The following LRRC49 variants were observed in gnomAD, a reference collection of about 807,000 sequenced individuals.
LRRC49 encodes the protein leucine rich repeat containing 49.
Under a neutral mutation model 83.3 loss-of-function variants are expected in LRRC49, and 50 were observed. The ratio of observed to expected loss-of-function variants is 0.60; its 90% CI spans 0.48 to 0.76. LRRC49 has a LOEUF of 0.76. Among genes scored for constraint, LRRC49 ranks in the 30% least tolerant of loss-of-function variants. The pLI is 0.00. For missense variants in LRRC49, 704 were observed against 809.1 expected (o/e 0.87, Z 1.58); for synonymous variants, 286 against 283.3 (o/e 1.01, Z -0.10).
intron 11 of LRRC49, among the ~76,000 whole-genome samples, chr15:70,999,439 T>A (rs544805299): frequency 6.6e-6 from 1 of 152,320 alleles, no homozygotes; most frequent in Admixed American, 6.5e-5. Flanking sequence ...AGTGGTCAGT[T>A]AGTGATTTTC....
intron 1 of LRRC49, among the ~76,000 whole-genome samples, chr15:70,870,945 G>GTTTTTTTTTTTTTTTTTTTTT (rs71281973): frequency 2.3e-5 from 2 of 88,698 alleles, no homozygotes. Context: ...GCCATGCTTA[G>GTTTTTTTTTTTTTTTTTTTTT]TTTTTTTTTT....
At chr15:71,029,743 C>T (rs2039289013) in intron 14 of LRRC49, among the ~76,000 whole-genome samples, 2 of 152,180 alleles carry the variant, frequency 1.3e-5, no homozygotes, top group South Asian at 4.1e-4. Context: ...GTTAGCTCTT[C>T]TTGTTGCATT....
At chr15:70,892,195 G>A (rs1033750352), upstream of LRRC49, 16 of 1,607,680 alleles carry the variant, frequency 1.0e-5, no homozygotes, top group Non-Finnish European at 1.4e-5. Context: ...GCACGGCCCG[G>A]TCCTTGGGAA....
rs1451184879 is a variant in LRRC49, at chr15:71,050,049, A to G, written c.*437A>G. On this transcript the variant is annotated 3_prime_UTR_variant, in exon 16 of 16. Coordinates refer to ENST00000260382, the MANE Select transcript of LRRC49 (RefSeq NM_017691.5). ...AATATGTTCTTTTTATGAGTGAAGAATAAACTTACTAACAAATTAGTCAAA... is the reference window on the plus strand; with the variant it reads ...AATATGTTCTTTTTATGAGTGAAGAGTAAACTTACTAACAAATTAGTCAAA... 1.3e-5 allele frequency: 2 copies of G among 155,312 alleles called. No individual in the cohort carries two copies. Among genetic ancestry groups the G allele is most frequent in the Non-Finnish European group, 2.8e-5 (2 of 70,210 alleles). The allele number at this position is 155,312 out of a possible 1,614,324, so 9.6% of individuals were successfully genotyped here. A position where few individuals can be genotyped will look rare whatever the true frequency, so the allele number is the denominator to read the frequency against.
chr15:70,969,487 AT>A (rs1197606423), intron 9 of LRRC49, among the ~76,000 whole-genome samples: 1 of 152,044 alleles, frequency 6.6e-6, no homozygotes, highest in Non-Finnish European at 1.5e-5. Context: ...TTCTAAATGA[AT>A]TTAAAGTAGT....
At chr15:70,866,159 T>C (rs1352674950) in intron 1 of LRRC49, among the ~76,000 whole-genome samples, 2 of 149,378 alleles carry the variant, frequency 1.3e-5, no homozygotes, top group Non-Finnish European at 3.0e-5. Context: ...TTTATTTATT[T>C]ATTTTTGAGA....
intron 11 of LRRC49, among the ~76,000 whole-genome samples, chr15:70,989,927 C>T (rs921165477): frequency 6.6e-6 from 1 of 152,190 alleles, no homozygotes; most frequent in Non-Finnish European, 1.5e-5. Flanking sequence ...GTACCAGCAG[C>T]GGTGGCGGCA....
At chr15:70,944,106 G>C (rs948546685) in intron 8 of LRRC49, among the ~76,000 whole-genome samples, 11 of 152,090 alleles carry the variant, frequency 7.2e-5, no homozygotes, top group Non-Finnish European at 1.5e-4. Flanking sequence ...GATAAATGCA[G>C]ATGTCACCTG....
intron 2 of LRRC49, among the ~76,000 whole-genome samples, chr15:70,876,064 AT>A (rs1263757257): frequency 6.6e-6 from 1 of 152,082 alleles, no homozygotes; most frequent in Non-Finnish European, 1.5e-5. Context: ...CCAGCTTCTC[AT>A]TTTCGATCAC....
chr15:71,052,352 A>G lies in LRRC49; in HGVS notation c.*2740A>G, dbSNP rs1390230705. ...ATTTAGTACCCCCATTTAGGGAGAT[A>G]CTGTACCCGATGTTCTGGTACAGCA... On this transcript the variant is annotated 3_prime_UTR_variant, in exon 16 of 16. Coordinates refer to ENST00000260382, the MANE Select transcript of LRRC49 (RefSeq NM_017691.5). The G allele has an allele frequency of 6.6e-6, 1 of 152,168 alleles. No individual in the cohort carries two copies. The highest frequency in any genetic ancestry group is 1.5e-5 in the Non-Finnish European group (1 of 68,028). The allele number at this position is 152,168 out of a possible 1,614,324, so 9.4% of individuals were successfully genotyped here.
intron 11 of LRRC49, among the ~76,000 whole-genome samples, chr15:70,994,987 G>T (rs2038027449): frequency 6.6e-6 from 1 of 152,196 alleles, no homozygotes; most frequent in African/African-American, 2.4e-5. Flanking sequence ...ACTAAATGAG[G>T]TTAGAGACCA....
intron 3 of LRRC49, chr15:70,900,373 A>G (rs1202889388): frequency 2.4e-6 from 1 of 425,006 alleles, no homozygotes; most frequent in East Asian, 7.0e-5. Context: ...TTACAAAGAA[A>G]GAGATGATGC....
chr15:70,911,696 A>G (rs1307924850), intron 6 of LRRC49, 98 bp downstream of exon 6: 1 of 734,592 alleles, frequency 1.4e-6, no homozygotes, highest in South Asian at 2.0e-5. Flanking sequence ...ATTTTTCAAG[A>G]GTTTCTTTAT....
upstream of LRRC49, among the ~76,000 whole-genome samples, chr15:70,890,513 C>T (rs1446067791): frequency 2.6e-5 from 4 of 152,170 alleles, no homozygotes; most frequent in African/African-American, 9.7e-5. Context: ...AGAAATCAGA[C>T]ATGATCCTAG....
At chr15:71,047,689 G>A (rs1418873734) in intron 15 of LRRC49, among the ~76,000 whole-genome samples, 1 of 152,172 alleles carries the variant, frequency 6.6e-6, no homozygotes, top group Non-Finnish European at 1.5e-5. Flanking sequence ...TTGCCTGACC[G>A]TTCTGGCTAG....
At chr15:71,037,612 T>C (rs2039565372) in intron 15 of LRRC49, among the ~76,000 whole-genome samples, 1 of 151,992 alleles carries the variant, frequency 6.6e-6, no homozygotes, top group Non-Finnish European at 1.5e-5. Flanking sequence ...AAAAATCTAG[T>C]CCAAAGCAGG....
At chr15:70,957,638 CTTACAGT>C (rs1213640303) in intron 8 of LRRC49, among the ~76,000 whole-genome samples, 1 of 151,996 alleles carries the variant, frequency 6.6e-6, no homozygotes, top group Non-Finnish European at 1.5e-5. Flanking sequence ...CTTCAAGAAA[CTTACAGT>C]TTAATTCTAT....
chr15:70,857,805 G>C (rs1026844682), intron 1 of LRRC49, among the ~76,000 whole-genome samples: 1 of 152,144 alleles, frequency 6.6e-6, no homozygotes, highest in East Asian at 1.9e-4. Context: ...TAAGCAGCAG[G>C]GTATAATGGA....
In LRRC49 at chr15:70,900,853, T is replaced by C. The variant is rs973009765; in HGVS notation, c.194-69T>C. The C allele has an allele frequency of 6.7e-6, 6 of 901,932 alleles. No homozygotes were observed. The African/African-American group carries it at 1.0e-4, about 15-fold the overall frequency. The allele number at this position is 901,932 out of a possible 1,614,324, so 55.9% of individuals were successfully genotyped here. A position where few individuals can be genotyped will look rare whatever the true frequency, so the allele number is the denominator to read the frequency against. ...TTATGGTGCTAAAATTCTCCAAATATAAGATGACTTTAGTTTCAGACTTCG... is the reference window on the plus strand; with the variant it reads ...TTATGGTGCTAAAATTCTCCAAATACAAGATGACTTTAGTTTCAGACTTCG... On this transcript the variant is annotated intron_variant, in intron 3 of 15. Coordinates refer to ENST00000260382, the MANE Select transcript of LRRC49 (RefSeq NM_017691.5).
Sources: allele counts gnomAD v4.1 joint callset (sites outside exome capture counted in the v4.1 genomes callset), GRCh38; gene constraint gnomAD v4.1.1; transcripts MANE v1.5; gene names NCBI Gene and HGNC (gene_info 2026-07-23, HGNC 2026-07-21).